CTNNA2: variants seen among roughly 807,000 people sequenced by gnomAD.
CTNNA2 encodes the protein catenin alpha-2.
Under a neutral mutation model 101.0 loss-of-function variants are expected in CTNNA2, and 42 were observed. The ratio of observed to expected loss-of-function variants is 0.42; its 90% CI spans 0.32 to 0.54. The LOEUF is 0.54. Ranked by LOEUF, CTNNA2 falls within the 20% of genes least tolerant of loss-of-function variation. The pLI, the probability that CTNNA2 is intolerant of heterozygous loss-of-function variation, is 0.14. For missense variants in CTNNA2, 871 were observed against 1,223.1 expected (o/e 0.71, Z 4.29); for synonymous variants, 450 against 456.4 (o/e 0.99, Z 0.18).
At chr2:79,713,380 A>G (rs1250273462) in intron 2 of CTNNA2, among the ~76,000 whole-genome samples, 1 of 152,198 alleles carries the variant, frequency 6.6e-6, no homozygotes, top group African/African-American at 2.4e-5. Flanking sequence ...CAGGAGTTTG[A>G]GGTTGCAGTG....
At chr2:80,232,744 C>G (rs1709330283) in intron 7 of CTNNA2, among the ~76,000 whole-genome samples, 1 of 152,220 alleles carries the variant, frequency 6.6e-6, no homozygotes, top group Non-Finnish European at 1.5e-5. Context: ...GGAATGGCCC[C>G]TACCTTCCTG....
chr2:80,358,994 T>C (rs1368613552), intron 7 of CTNNA2, among the ~76,000 whole-genome samples: 1 of 152,088 alleles, frequency 6.6e-6, no homozygotes, highest in Non-Finnish European at 1.5e-5. Context: ...TCTAAAGCAA[T>C]ATATTTTTAG....
At chr2:79,527,474 C>CA (rs58822666) in intron 1 of CTNNA2, among the ~76,000 whole-genome samples, 15,661 of 85,246 alleles carry the variant, frequency 0.18, 1,301 homozygotes, top group African/African-American at 0.27. Context: ...ACTAAAAATA[C>CA]AAAAAAAAAA....
At chr2:79,699,449 C>A (rs1558850362) in intron 2 of CTNNA2, among the ~76,000 whole-genome samples, 1 of 151,796 alleles carries the variant, frequency 6.6e-6, no homozygotes. Context: ...ATATTAGCTA[C>A]TTATTATAAA....
chr2:80,244,304 T>C (rs1008089210), intron 7 of CTNNA2, among the ~76,000 whole-genome samples: 3 of 152,188 alleles, frequency 2.0e-5, no homozygotes, highest in Non-Finnish European at 4.4e-5. Context: ...TGTTCAGAGA[T>C]AGAAAAATCT....
At chr2:80,633,774 A>G (rs1216882797) in intron 18 of CTNNA2, among the ~76,000 whole-genome samples, 1 of 152,196 alleles carries the variant, frequency 6.6e-6, no homozygotes, top group African/African-American at 2.4e-5. Flanking sequence ...CCAGCACTAT[A>G]CCTAGCAAAC....
intron 6 of CTNNA2, among the ~76,000 whole-genome samples, chr2:79,889,185 AAC>A (rs138388817): frequency 6.6e-6 from 1 of 151,804 alleles, no homozygotes; most frequent in Non-Finnish European, 1.5e-5. Flanking sequence ...ACCACACACA[AAC>A]ACACACACAC....
At chr2:79,336,884 G>C (rs1677006567) in intron 3 of CTNNA2, among the ~76,000 whole-genome samples, 1 of 152,160 alleles carries the variant, frequency 6.6e-6, no homozygotes, top group South Asian at 2.1e-4. Flanking sequence ...GTTCACTAGA[G>C]GTTCTGGCAG....
At chr2:79,497,449 T>C (rs1432671031) in intron 4 of CTNNA2, among the ~76,000 whole-genome samples, 4 of 152,326 alleles carry the variant, frequency 2.6e-5, no homozygotes, top group African/African-American at 7.2e-5. Context: ...ATCTTCTGCA[T>C]CTCCTGTCAT....
At chr2:79,594,228 C>T (rs191081282) in intron 1 of CTNNA2, among the ~76,000 whole-genome samples, 114 of 152,068 alleles carry the variant, frequency 7.5e-4, no homozygotes, top group Middle Eastern at 6.8e-3. Context: ...CAGTCATTTC[C>T]TAGGATTTTT....
At chr2:80,421,820 AC>A (rs1299884772) in intron 9 of CTNNA2, among the ~76,000 whole-genome samples, 1 of 151,186 alleles carries the variant, frequency 6.6e-6, no homozygotes, top group Non-Finnish European at 1.5e-5. Flanking sequence ...AAAAAAAAAA[AC>A]CCAAACTTGA....
At chr2:79,294,414 A>G (rs1171425581) in intron 2 of CTNNA2, among the ~76,000 whole-genome samples, 1 of 152,160 alleles carries the variant, frequency 6.6e-6, no homozygotes, top group Non-Finnish European at 1.5e-5. Context: ...TCCTATCTGC[A>G]AATACAGCCA....
intron 3 of CTNNA2, among the ~76,000 whole-genome samples, chr2:79,351,121 G>GT (rs1288859844): frequency 3.3e-5 from 5 of 152,192 alleles, no homozygotes; most frequent in Non-Finnish European, 5.9e-5. Context: ...TGTGCAAAAG[G>GT]TTTTTTAGTT....
At chr2:79,267,622 G>A (rs1456054960) in intron 2 of CTNNA2, among the ~76,000 whole-genome samples, 1 of 152,124 alleles carries the variant, frequency 6.6e-6, no homozygotes, top group African/African-American at 2.4e-5. Context: ...GATCACTAAG[G>A]TCAAGTTTTA....
intron 1 of CTNNA2, among the ~76,000 whole-genome samples, chr2:79,190,398 G>A (rs1235109140): frequency 1.3e-5 from 2 of 151,932 alleles, no homozygotes; most frequent in African/African-American, 2.4e-5. Flanking sequence ...GAATTTCAAC[G>A]TCTGTTTAAG....
At chr2:79,731,269 CG>C (rs1442511409) in intron 2 of CTNNA2, among the ~76,000 whole-genome samples, 2 of 152,070 alleles carry the variant, frequency 1.3e-5, no homozygotes, top group East Asian at 3.9e-4. Flanking sequence ...TGTGTTTCAA[CG>C]ATGATTTTGA....
intron 2 of CTNNA2, among the ~76,000 whole-genome samples, chr2:79,738,783 T>G (rs1216051228): frequency 1.3e-5 from 2 of 152,206 alleles, no homozygotes; most frequent in Admixed American, 1.3e-4. Context: ...CAAATTTCAC[T>G]GGGCTGAGAA....
chr2:79,751,251 G>A (rs1282782179), intron 3 of CTNNA2, among the ~76,000 whole-genome samples: 18 of 152,190 alleles, frequency 1.2e-4, no homozygotes. Context: ...TTGGAGGTTG[G>A]ATAAAGAAGC....
chr2:80,114,771 A>C lies in CTNNA2; in HGVS notation c.1056+204974A>C, dbSNP rs575147499. 2.6e-5 allele frequency among the ~76,000 whole-genome samples: 4 copies of C among 152,328 alleles called. No individual in the cohort carries two copies. The South Asian group carries it at 8.3e-4, about 32-fold the overall frequency. ...CTGAGATTTTTGGGTAGGGCCAGAT[A>C]CCACTCTGCTGTGACTTCAGCTTGA... On this transcript the variant is annotated intron_variant, in intron 7 of 18. Transcript: ENST00000402739.
Sources: gnomAD v4.1 joint callset for allele counts (sites outside exome capture counted in the v4.1 genomes callset) on GRCh38, gnomAD v4.1.1 for gene constraint, MANE v1.5 for transcripts, NCBI Gene and HGNC (gene_info 2026-07-23, HGNC 2026-07-21) for gene names.